CPVL: variants seen among roughly 807,000 people sequenced by gnomAD.
CPVL encodes the protein probable serine carboxypeptidase CPVL.
A neutral mutation model predicts 63.7 loss-of-function variants in CPVL; 51 were observed. That is an observed-to-expected ratio of 0.80 (90% CI 0.64 to 1.01). The LOEUF is 1.01. Ranked by LOEUF, CPVL falls within the 50% of genes least tolerant of loss-of-function variation. The pLI is 0.00. For synonymous variants in CPVL, 195 were observed against 206.0 expected, an observed-to-expected ratio of 0.95 and a Z score of 0.46; for missense variants, 530 against 573.1, an observed-to-expected ratio of 0.92 and a Z score of 0.77.
rs1783078122 is a variant in CPVL at position 29,192,908 on chromosome 7, G to A, written c.-448+2169C>T. ...GCTACATAGATTACTAGTCAAACAA[G>A]TAAGTGCTGTTTTCTATCAGAAGAA... is the stretch of plus-strand genomic sequence containing the variant. On this transcript the variant is annotated intron_variant, in intron 1 of 16. Coordinates refer to the CPVL transcript ENST00000409850. 7 of 152,228 alleles carry A rather than the reference G, an allele frequency of 4.6e-5. No homozygotes were observed. The South Asian group carries it at 1.4e-3, about 31-fold the overall frequency. 9.4% of individuals were successfully genotyped at this position (152,228 alleles called of 1,614,324 possible).
At chr7:29,094,298 G>A (rs1786165450) in intron 5 of CPVL, among the ~76,000 whole-genome samples, 1 of 151,782 alleles carries the variant, frequency 6.6e-6, no homozygotes, top group Non-Finnish European at 1.5e-5. Flanking sequence ...CTGAGATGGT[G>A]CAACTGCACT....
chr7:29,153,820 T>C (rs1380002990), intron 5 of CPVL, among the ~76,000 whole-genome samples: 1 of 152,200 alleles, frequency 6.6e-6, no homozygotes, highest in African/African-American at 2.4e-5. Context: ...TCTACCTGCC[T>C]CGGCCTCTCT....
intron 7 of CPVL, among the ~76,000 whole-genome samples, chr7:29,083,322 C>G (rs1403423770): frequency 6.6e-6 from 1 of 152,216 alleles, no homozygotes. Context: ...CCACTCATTT[C>G]CAACTCTCAG....
chr7:28,995,764 A>AAGGT lies in CPVL; in HGVS notation c.*4_*7dup. 1 of 1,488,884 alleles carries AAGGT rather than the reference A, an allele frequency of 6.7e-7. No homozygotes were observed. The highest frequency in any genetic ancestry group is 9.3e-7 in the Non-Finnish European group (1 of 1,079,390). 92.2% of individuals were successfully genotyped at this position (1,488,884 alleles called of 1,614,324 possible). ...AAAACCTCTGATGTTCTCTTTTGGG[A>AAGGT]AGGTAGTTTATCCAACATAAGGATC... On this transcript the variant is annotated 3_prime_UTR_variant, in exon 13 of 13. Transcript: ENST00000265394.
intron 5 of CPVL, among the ~76,000 whole-genome samples, chr7:29,154,057 A>G: frequency 6.6e-6 from 1 of 152,192 alleles, no homozygotes; most frequent in East Asian, 1.9e-4. Context: ...TTTTGACTGC[A>G]CAGGGGGTTG....
intron 12 of CPVL, among the ~76,000 whole-genome samples, chr7:29,004,146 A>C (rs1784943009): frequency 6.6e-6 from 1 of 152,230 alleles, no homozygotes; most frequent in Admixed American, 6.5e-5. Context: ...TACTATTATC[A>C]AGTTAATAGT....
chr7:28,998,880 A>T (rs754442085), intron 12 of CPVL, among the ~76,000 whole-genome samples: 1 of 152,092 alleles, frequency 6.6e-6, no homozygotes, highest in Non-Finnish European at 1.5e-5. Context: ...ACATTTTCAT[A>T]AAAAACCTTG....
chr7:29,049,307 C>T (rs537939250), intron 11 of CPVL, among the ~76,000 whole-genome samples: 1 of 151,988 alleles, frequency 6.6e-6, no homozygotes, highest in South Asian at 2.1e-4. Context: ...ATCCAAATAA[C>T]CTCATTAAGA....
intron 12 of CPVL, among the ~76,000 whole-genome samples, chr7:29,020,685 TCACA>T (rs67932688): frequency 0.4 from 60,511 of 151,064 alleles, 12,986 homozygotes; most frequent in Non-Finnish European, 0.5. Context: ...AAAACAATAG[TCACA>T]CACAATGAAA....
At chr7:29,017,182 T>C (rs1262713524) in intron 12 of CPVL, among the ~76,000 whole-genome samples, 1 of 152,204 alleles carries the variant, frequency 6.6e-6, no homozygotes. Flanking sequence ...CCCTGCCCCA[T>C]ATTCTCTTAT....
intron 1 of CPVL, chr7:29,125,053 T>G (rs1789854256): frequency 6.6e-6 from 1 of 152,156 alleles, no homozygotes; most frequent in Non-Finnish European, 1.5e-5. Context: ...CAAAGTAAAT[T>G]TTCTCTTCGG....
At chr7:29,072,718 C>T (rs1783872668) in intron 7 of CPVL, among the ~76,000 whole-genome samples, 1 of 152,072 alleles carries the variant, frequency 6.6e-6, no homozygotes, top group Admixed American at 6.6e-5. Context: ...CTTGGGAGAA[C>T]ACAATTCTGC....
intron 12 of CPVL, among the ~76,000 whole-genome samples, chr7:29,006,674 C>A (rs914476863): frequency 6.6e-6 from 1 of 152,100 alleles, no homozygotes; most frequent in Non-Finnish European, 1.5e-5. Context: ...CTAAGGGAAC[C>A]CCAGAACCCC....
intron 3 of CPVL, among the ~76,000 whole-genome samples, chr7:29,099,736 G>A (rs1232050214): frequency 6.6e-6 from 1 of 152,158 alleles, no homozygotes; most frequent in Non-Finnish European, 1.5e-5. Context: ...ATAAGTCAAA[G>A]CAGAAAAAAT....
chr7:29,106,387 G>A (rs1787720493), intron 3 of CPVL, among the ~76,000 whole-genome samples: 1 of 152,076 alleles, frequency 6.6e-6, no homozygotes, highest in Non-Finnish European at 1.5e-5. Flanking sequence ...ACAGAGCCAG[G>A]GATATCATCT....
At chr7:29,136,705 T>A (rs1268112310) in intron 1 of CPVL, among the ~76,000 whole-genome samples, 1 of 152,148 alleles carries the variant, frequency 6.6e-6, no homozygotes, top group Non-Finnish European at 1.5e-5. Context: ...TCATGAGAAT[T>A]ATAACATTAC....
chr7:29,013,681 C>T (rs1185610076), intron 12 of CPVL, among the ~76,000 whole-genome samples: 2 of 152,212 alleles, frequency 1.3e-5, no homozygotes, highest in African/African-American at 4.8e-5. Context: ...TCTGGGTGGC[C>T]TTTGTGGTAG....
chr7:29,072,166 TAGG>T (rs1783812320), intron 8 of CPVL, 132 bp downstream of exon 8: 4 of 1,039,024 alleles, frequency 3.8e-6, no homozygotes, highest in Admixed American at 5.1e-5. Flanking sequence ...TGGTAAAAAT[TAGG>T]AGATTTAAGT....
At position 29,071,820 on chromosome 7, in the gene CPVL, C is replaced by T; in HGVS notation, c.817G>A (p.Glu273Lys). The change falls in exon 9 of 13, where the codon GAA becomes AAA. Residue 273 changes from glutamate to lysine, a missense_variant. Transcript: ENST00000265394. Reference sequence around the variant, plus strand: ...TGCTTCCTGATGTGTTCTATGCATTCATGGCACTGCTTCTGGAAGTACTTT... The same window carrying T: ...TGCTTCCTGATGTGTTCTATGCATTTATGGCACTGCTTCTGGAAGTACTTT... ...QKKYFQKQCH[E>K]CIEHIRKQNW... The T allele has an allele frequency of 6.3e-7, 1 of 1,595,730 alleles. No homozygotes were observed. The highest frequency in any genetic ancestry group is 8.6e-7 in the Non-Finnish European group (1 of 1,168,886).
Sources: gnomAD v4.1 joint callset for allele counts (sites outside exome capture counted in the v4.1 genomes callset) on GRCh38, gnomAD v4.1.1 for gene constraint, MANE v1.5 for transcripts, NCBI Gene and HGNC (gene_info 2026-07-23, HGNC 2026-07-21) for gene names.